Variants in CHM observed in about 807,000 individuals in gnomAD.
The protein encoded by CHM is CHM Rab escort protein, also known as rab proteins geranylgeranyltransferase component A 1.
CHM carries 10 observed loss-of-function variants against 49.0 expected under a neutral mutation model. The observed-to-expected ratio is 0.20, with a 90% confidence interval of 0.13 to 0.35. The LOEUF (loss-of-function observed/expected upper bound fraction) is 0.35. Ranked by LOEUF, CHM falls within the 10% of genes least tolerant of loss-of-function variation. CHM has a pLI of 1.00. For missense variants in CHM, 455 were observed against 478.4 expected (o/e 0.95, Z 0.46); for synonymous variants, 184 against 167.5 (o/e 1.10, Z -0.76).
intron 8 of CHM, among the ~76,000 whole-genome samples, chrX:85,928,284 T>G (rs1928208770): frequency 8.9e-6 from 1 of 112,188 alleles, no homozygotes; most frequent in African/African-American, 3.2e-5. Context: ...GGCTCAGGCC[T>G]GTAGTCCCAG....
intron 8 of CHM, among the ~76,000 whole-genome samples, chrX:85,916,149 C>A (rs1455842380): frequency 9.1e-6 from 1 of 110,451 alleles, no homozygotes; most frequent in African/African-American, 3.3e-5. Flanking sequence ...AGACCACACA[C>A]CTACAACTAT....
At chrX:85,906,850 A>G (rs1483393292) in intron 9 of CHM, among the ~76,000 whole-genome samples, 4 of 112,145 alleles carry the variant, frequency 3.6e-5, no homozygotes, top group Non-Finnish European at 7.5e-5. Flanking sequence ...AAAGGCATAG[A>G]CAGCCGGACG....
chrX:85,934,401 T>A (rs1463769462), intron 8 of CHM, among the ~76,000 whole-genome samples: 5 of 100,931 alleles, frequency 5.0e-5, no homozygotes, highest in East Asian at 6.6e-4. Context: ...CATTAGGTAT[T>A]TCTCCTAATG....
intron 12 of CHM, among the ~76,000 whole-genome samples, chrX:85,881,942 G>T (rs1024438328): frequency 8.9e-5 from 10 of 111,890 alleles, no homozygotes; most frequent in African/African-American, 3.2e-4. Flanking sequence ...TATTGCCCTA[G>T]AAAGTTTCAA....
chrX:85,886,981 T>C (rs917783480), intron 12 of CHM, among the ~76,000 whole-genome samples: 5 of 105,920 alleles, frequency 4.7e-5, no homozygotes, highest in African/African-American at 1.7e-4. Flanking sequence ...ATACTAGATT[T>C]TTAAATGAAC....
chrX:86,021,938 T>G lies in CHM; in HGVS notation c.116+5553A>C, dbSNP rs750576315. On this transcript the variant is annotated intron_variant, in intron 2 of 14. Transcript: ENST00000357749. ...CCAGTCACAAAAAAGACAAATATAGTGCTGCATAAGTACACTTATATGAAT... is the reference window on the plus strand; with the variant it reads ...CCAGTCACAAAAAAGACAAATATAGGGCTGCATAAGTACACTTATATGAAT... Among the ~76,000 whole-genome samples the G allele has an allele frequency of 1.6e-3, 182 of 111,980 alleles. 2 individuals are homozygous for G. The highest frequency in any genetic ancestry group is 5.7e-3 in the African/African-American group (176 of 30,874).
At chrX:85,973,488 C>T (rs901586105) in intron 4 of CHM, among the ~76,000 whole-genome samples, 1 of 109,991 alleles carries the variant, frequency 9.1e-6, no homozygotes, top group Non-Finnish European at 1.9e-5. Context: ...TGGAAATTTA[C>T]AAAAACATTT....
chrX:85,898,335 G>GT (rs1452867692), intron 11 of CHM, among the ~76,000 whole-genome samples: 1 of 111,032 alleles, frequency 9.0e-6, no homozygotes. Flanking sequence ...TGGTTTCAAC[G>GT]TGTCTCCCAT....
intron 4 of CHM, among the ~76,000 whole-genome samples, chrX:85,966,435 GT>G (rs1445126486): frequency 1.8e-5 from 2 of 110,435 alleles, no homozygotes; most frequent in African/African-American, 3.3e-5. Flanking sequence ...GTATACCTAG[GT>G]TTTCTGCATT....
chrX:85,946,341 C>T (rs1016611810), intron 8 of CHM, among the ~76,000 whole-genome samples: 2 of 112,188 alleles, frequency 1.8e-5, no homozygotes, highest in African/African-American at 3.2e-5. Flanking sequence ...CAGAGAACTT[C>T]GAGGCAGCCC....
At position 85,959,015 on chromosome X, in the gene CHM, ATAG is replaced by A. The variant is rs1930152833; in HGVS notation, c.703-41_703-39del. On this transcript the variant is annotated intron_variant, in intron 5 of 14. Transcript: ENST00000357749. The stretch of plus-strand genomic sequence containing the variant: ...AATATTTTACAAGATAAAAGTTGAA[ATAG>A]TAGAAAAATTGGAAAACAATAAAGA... The A allele has an allele frequency of 2.5e-6, 3 of 1,198,298 alleles. No individual in the cohort carries two copies. The African/African-American group carries it at 5.3e-5, about 21-fold the overall frequency.
intron 8 of CHM, among the ~76,000 whole-genome samples, chrX:85,925,820 T>C (rs904520098): frequency 4.5e-5 from 5 of 111,629 alleles, no homozygotes; most frequent in Non-Finnish European, 9.4e-5. Context: ...CAGGATTATG[T>C]TGGTTTTTCT....
At chrX:86,044,326 T>C (rs1934581115) in intron 1 of CHM, among the ~76,000 whole-genome samples, 1 of 112,284 alleles carries the variant, frequency 8.9e-6, no homozygotes, top group African/African-American at 3.2e-5. Flanking sequence ...CTGTCATTTG[T>C]ATGTCTAATA....
intron 2 of CHM, among the ~76,000 whole-genome samples, chrX:86,009,382 C>A (rs749083515): frequency 2.2e-4 from 25 of 112,020 alleles, no homozygotes; most frequent in Non-Finnish European, 3.9e-4. Flanking sequence ...TTACTGAGTA[C>A]CTACTATGTG....
At position 85,912,887 on chromosome X, in the gene CHM, C is replaced by T. The variant is rs187529061; in HGVS notation, c.1167-1549G>A. ...AATTAGCCAGGTACGGCGGTGCATGCCTGTCATCCCAGCTACACGGGAGGC... is the reference window on the plus strand; with the variant it reads ...AATTAGCCAGGTACGGCGGTGCATGTCTGTCATCCCAGCTACACGGGAGGC... On this transcript the variant is annotated intron_variant, in intron 8 of 14. Coordinates refer to ENST00000357749, the MANE Select transcript of CHM (RefSeq NM_000390.4). 1.5e-3 allele frequency among the ~76,000 whole-genome samples: 168 copies of T among 108,421 alleles called. 1 individual carries two copies. The highest frequency in any genetic ancestry group is 5.1e-3 in the African/African-American group (153 of 29,745). The allele number at this position is 108,421 out of a possible 115,157, so 94.2% of individuals were successfully genotyped here. A position where few individuals can be genotyped will look rare whatever the true frequency, so the allele number is the denominator to read the frequency against.
intron 8 of CHM, among the ~76,000 whole-genome samples, chrX:85,945,984 C>T (rs1029372991): frequency 4.5e-5 from 5 of 111,827 alleles, no homozygotes; most frequent in East Asian, 2.8e-4. Context: ...TGTTCATGTC[C>T]GGGGGATCTG....
chrX:85,986,358 G>T, intron 2 of CHM, among the ~76,000 whole-genome samples: 1 of 111,599 alleles, frequency 9.0e-6, no homozygotes, highest in Non-Finnish European at 1.9e-5. Context: ...TCAGTGGGCA[G>T]CCCAGGAGCA....
In CHM at chrX:85,864,710, A is replaced by G. The variant is rs759907374; in HGVS notation, c.1882T>C (p.Ser628Pro). 1.7e-6 allele frequency: 2 copies of G among 1,209,213 alleles called. No homozygotes were observed. The highest frequency in any genetic ancestry group is 5.9e-5 in the East Asian group (2 of 33,706). ...GAGTTAGCCTCTGGTATGGCACTGG[A>G]TTCTGAAGCCTCTGGCTGTAAACTG... ...GDSLQPEASE[S>P]SAIPEANSET... is the part of the protein sequence containing the mutation. The change falls in exon 15 of 15, where the codon TCC (serine) becomes CCC (proline). Residue 628 changes from serine to proline, a missense_variant. Physicochemically the swap from Ser to Pro is moderately conservative, Grantham distance 74. Coordinates refer to ENST00000357749, the MANE Select transcript of CHM (RefSeq NM_000390.4).
At chrX:85,894,117 C>G in intron 12 of CHM, 71 bp downstream of exon 12, 3 of 744,670 alleles carry the variant, frequency 4.0e-6, no homozygotes, top group Non-Finnish European at 6.3e-6. Flanking sequence ...ACAACCTTCA[C>G]AACTGTAATA....
Sources: gnomAD v4.1 joint callset for allele counts (sites outside exome capture counted in the v4.1 genomes callset) on GRCh38, gnomAD v4.1.1 for gene constraint, MANE v1.5 for transcripts, NCBI Gene and HGNC (gene_info 2026-07-23, HGNC 2026-07-21) for gene names.